Variants in HPSE2 observed in about 807,000 individuals in gnomAD.
HPSE2 encodes inactive heparanase-2.
A neutral mutation model predicts 60.5 loss-of-function variants in HPSE2; 38 were observed. That is an observed-to-expected ratio of 0.63 (90% CI 0.48 to 0.82). The LOEUF (loss-of-function observed/expected upper bound fraction) is 0.82. HPSE2 is among the 40% of genes least tolerant of loss of function. The pLI is 0.00. For missense variants in HPSE2, 713 were observed against 740.4 expected, an observed-to-expected ratio of 0.96 and a Z score of 0.43; for synonymous variants, 295 against 293.2, an observed-to-expected ratio of 1.01 and a Z score of -0.06.
chr10:99,129,761 C>A (rs1845307297), intron 3 of HPSE2, among the ~76,000 whole-genome samples: 1 of 139,512 alleles, frequency 7.2e-6, no homozygotes, highest in Non-Finnish European at 1.6e-5. Flanking sequence ...CCAAACCAAG[C>A]AGAAGAAAAG....
chr10:98,960,701 C>CTTTTTT, intron 3 of HPSE2, among the ~76,000 whole-genome samples: 69 of 57,438 alleles, frequency 1.2e-3, no homozygotes, highest in Non-Finnish European at 1.3e-3. Flanking sequence ...ATGTACATTT[C>CTTTTTT]TTTTTTTTTT....
intron 6 of HPSE2, among the ~76,000 whole-genome samples, chr10:98,656,089 T>G (rs553019793): frequency 2.0e-5 from 3 of 152,146 alleles, no homozygotes; most frequent in Admixed American, 6.5e-5. Context: ...TGAGTTTTTT[T>G]TTTTTTTTTT....
chr10:98,963,224 A>G (rs539768312), intron 3 of HPSE2, among the ~76,000 whole-genome samples: 2 of 152,338 alleles, frequency 1.3e-5, no homozygotes, highest in African/African-American at 4.8e-5. Context: ...AAGACATATT[A>G]TAACTCTTTG....
At chr10:98,653,226 C>A (rs1249894453) in intron 6 of HPSE2, among the ~76,000 whole-genome samples, 1 of 152,118 alleles carries the variant, frequency 6.6e-6, no homozygotes, top group African/African-American at 2.4e-5. Context: ...TTACTTTTAA[C>A]CTATCTGAGT....
At chr10:99,309,186 G>A in the HPSE2 span, among the ~76,000 whole-genome samples, 2 of 152,054 alleles carry the variant, frequency 1.3e-5, no homozygotes, top group African/African-American at 2.4e-5. Flanking sequence ...TAGAAAGAAT[G>A]GAGAGTAACT....
At chr10:98,948,303 A>G (rs1955250110) in intron 3 of HPSE2, among the ~76,000 whole-genome samples, 2 of 152,174 alleles carry the variant, frequency 1.3e-5, no homozygotes, top group South Asian at 4.1e-4. Flanking sequence ...ATGGCAAAAA[A>G]GGTGAGGGGG....
At position 99,202,366 on chromosome 10, in the gene HPSE2, C is replaced by T. The variant is rs1848603220; in HGVS notation, c.448+29982G>A. Among the ~76,000 whole-genome samples, 4 of 152,060 alleles carry T rather than the reference C, an allele frequency of 2.6e-5. No individual in the cohort carries two copies. In the South Asian group the frequency reaches 8.3e-4, roughly 32 times the overall value. ...TAAGGATGCAAGTATTTCTGATCAA[C>T]CATATATATTCATCGCTAAACTAAA... is the stretch of plus-strand genomic sequence containing the variant. On this transcript the variant is annotated intron_variant, in intron 2 of 11. Coordinates refer to ENST00000370552, the MANE Select transcript of HPSE2 (RefSeq NM_021828.5).
intron 11 of HPSE2, chr10:98,461,706 A>G: frequency 7.6e-7 from 1 of 1,313,370 alleles, no homozygotes; most frequent in Middle Eastern, 1.8e-4. Context: ...TCTCTGCTAG[A>G]AAACCTTCAA....
the HPSE2 span, among the ~76,000 whole-genome samples, chr10:99,284,237 T>C: frequency 6.6e-6 from 1 of 152,110 alleles, no homozygotes; most frequent in Non-Finnish European, 1.5e-5. Flanking sequence ...ACATACAAAG[T>C]TAATCAATGT....
chr10:98,777,650 C>A (rs1950370447), intron 3 of HPSE2, among the ~76,000 whole-genome samples: 1 of 151,988 alleles, frequency 6.6e-6, no homozygotes, highest in Non-Finnish European at 1.5e-5. Context: ...TTTTCTTTTG[C>A]CTTATAACAA....
At chr10:99,144,099 C>A (rs1296768028) in intron 3 of HPSE2, 139 bp downstream of exon 3, 3 of 874,140 alleles carry the variant, frequency 3.4e-6, no homozygotes, top group South Asian at 3.1e-5. Flanking sequence ...CTGCAAACTA[C>A]AAGGAATATT....
rs540133797 is a variant in HPSE2 at position 98,719,462 on chromosome 10, C to T, written c.956+2195G>A. ...GAAAGGAGAAAAACAAGAGGAGAGG[C>T]TGGTATTCTTAACAAAATGAAACAA... On this transcript the variant is annotated intron_variant, in intron 5 of 11. Coordinates refer to ENST00000370552, the MANE Select transcript of HPSE2 (RefSeq NM_021828.5). Among the ~76,000 whole-genome samples, 3 of 151,866 alleles carry T rather than the reference C, an allele frequency of 2.0e-5. No homozygotes were observed. The South Asian group carries it at 6.2e-4, about 32-fold the overall frequency.
intron 3 of HPSE2, among the ~76,000 whole-genome samples, chr10:98,957,978 G>A (rs985025530): frequency 6.6e-6 from 1 of 152,114 alleles, no homozygotes; most frequent in African/African-American, 2.4e-5. Context: ...GTTCACATCT[G>A]CAGAGAGAAG....
At chr10:98,507,849 G>A (rs1363405319) in intron 9 of HPSE2, among the ~76,000 whole-genome samples, 2 of 151,734 alleles carry the variant, frequency 1.3e-5, no homozygotes, top group African/African-American at 4.9e-5. Flanking sequence ...TAAATAAAAT[G>A]AAACAAATGA....
chr10:99,224,246 C>G (rs1313163853), intron 2 of HPSE2, among the ~76,000 whole-genome samples: 1 of 151,922 alleles, frequency 6.6e-6, no homozygotes, highest in Admixed American at 6.6e-5. Context: ...TCATGAAAGC[C>G]AATGGATAAA....
intron 3 of HPSE2, among the ~76,000 whole-genome samples, chr10:98,872,706 C>T (rs1952766214): frequency 6.6e-6 from 1 of 152,044 alleles, no homozygotes; most frequent in African/African-American, 2.4e-5. Context: ...TGTCTCTTGC[C>T]ATAGCTGACT....
intron 3 of HPSE2, among the ~76,000 whole-genome samples, chr10:98,898,164 T>C (rs1381872260): frequency 3.3e-5 from 5 of 152,156 alleles, no homozygotes; most frequent in African/African-American, 1.2e-4. Context: ...AAAAGACAGT[T>C]TGGCAGCTAT....
intron 3 of HPSE2, among the ~76,000 whole-genome samples, chr10:98,754,694 C>A (rs968832421): frequency 6.7e-5 from 10 of 149,118 alleles, no homozygotes; most frequent in African/African-American, 2.2e-4. Flanking sequence ...AGAGACTGGG[C>A]ACCTGTAGTC....
At chr10:98,837,206 G>A (rs187240391) in intron 3 of HPSE2, among the ~76,000 whole-genome samples, 128 of 152,298 alleles carry the variant, frequency 8.4e-4, no homozygotes, top group Admixed American at 7.8e-3. Flanking sequence ...CAGTATAAGA[G>A]AGAATAATCA....
Sources: gnomAD v4.1 joint callset for allele counts (sites outside exome capture counted in the v4.1 genomes callset) on GRCh38, gnomAD v4.1.1 for gene constraint, MANE v1.5 for transcripts, NCBI Gene and HGNC (gene_info 2026-07-23, HGNC 2026-07-21) for gene names.